The following TAFA1 variants were observed in gnomAD, a reference collection of about 807,000 sequenced individuals.
The protein encoded by TAFA1 is chemokine-like protein TAFA-1.
Under a neutral mutation model 18.5 loss-of-function variants are expected in TAFA1, and 4 were observed. The observed-to-expected ratio is 0.22, with a 90% confidence interval of 0.11 to 0.49. TAFA1 has a LOEUF of 0.49. TAFA1 is among the 20% of genes least tolerant of loss of function. The probability of loss-of-function intolerance (pLI) is 0.98; values close to 1 mark genes in which losing one functional copy is unlikely to be tolerated. For synonymous variants in TAFA1, 56 were observed against 55.2 expected, an observed-to-expected ratio of 1.01 and a Z score of -0.06; for missense variants, 147 against 169.0, an observed-to-expected ratio of 0.87 and a Z score of 0.72.
intron 2 of TAFA1, among the ~76,000 whole-genome samples, chr3:68,416,249 TC>T (rs1414374838): frequency 1.3e-5 from 2 of 152,178 alleles, no homozygotes; most frequent in African/African-American, 4.8e-5. Flanking sequence ...CCTTTCTCCC[TC>T]CTTTTCTTTT....
intron 2 of TAFA1, among the ~76,000 whole-genome samples, chr3:68,044,158 T>C (rs2106685769): frequency 6.6e-6 from 1 of 152,352 alleles, no homozygotes; most frequent in Non-Finnish European, 1.5e-5. Context: ...TCATTCTTCT[T>C]TCCTAATTCA....
intron 2 of TAFA1, among the ~76,000 whole-genome samples, chr3:68,334,654 C>A (rs1220885292): frequency 2.6e-5 from 4 of 152,034 alleles, no homozygotes; most frequent in African/African-American, 4.8e-5. Context: ...TGATCAGGTA[C>A]CACATTTTGA....
At chr3:68,478,767 A>G (rs2072154128) in intron 3 of TAFA1, among the ~76,000 whole-genome samples, 1 of 152,106 alleles carries the variant, frequency 6.6e-6, no homozygotes, top group South Asian at 2.1e-4. Context: ...AAATGAATAA[A>G]TGATTATTTG....
intron 2 of TAFA1, among the ~76,000 whole-genome samples, chr3:68,325,297 G>A (rs1353006588): frequency 1.3e-5 from 2 of 152,144 alleles, no homozygotes; most frequent in Non-Finnish European, 2.9e-5. Flanking sequence ...TTGGGAGCCC[G>A]AGTTAAGAGC....
chr3:68,362,458 A>C (rs1005972523), intron 2 of TAFA1, among the ~76,000 whole-genome samples: 1 of 152,180 alleles, frequency 6.6e-6, no homozygotes, highest in African/African-American at 2.4e-5. Context: ...GGCAAAAACT[A>C]CAGAGAATCA....
intron 2 of TAFA1, among the ~76,000 whole-genome samples, chr3:68,191,824 T>C (rs2066344228): frequency 6.6e-6 from 1 of 151,844 alleles, no homozygotes; most frequent in Non-Finnish European, 1.5e-5. Context: ...TGGGTAATTC[T>C]GGAGGCCTGA....
intron 2 of TAFA1, among the ~76,000 whole-genome samples, chr3:68,101,265 TTTTTTA>T (rs931148509): frequency 7.8e-4 from 117 of 150,932 alleles, no homozygotes; most frequent in Non-Finnish European, 1.1e-3. Flanking sequence ...TGTGATTTCT[TTTTTTA>T]TTTTTATTTT....
At chr3:68,229,681 T>C (rs1403042986) in intron 2 of TAFA1, among the ~76,000 whole-genome samples, 1 of 152,240 alleles carries the variant, frequency 6.6e-6, no homozygotes, top group Admixed American at 6.5e-5. Context: ...GAAATTAGAC[T>C]AATTAAATTG....
At chr3:68,510,414 C>A (rs1036798277) in intron 3 of TAFA1, among the ~76,000 whole-genome samples, 1 of 152,058 alleles carries the variant, frequency 6.6e-6, no homozygotes, top group African/African-American at 2.4e-5. Context: ...CCCAATCATA[C>A]CATCTTGAAC....
At chr3:68,501,264 C>T (rs1284075005) in intron 3 of TAFA1, among the ~76,000 whole-genome samples, 1 of 151,176 alleles carries the variant, frequency 6.6e-6, no homozygotes, top group Non-Finnish European at 1.5e-5. Context: ...CTTTTGCTGA[C>T]TCTATTGAAA....
chr3:68,085,729 A>G (rs1008724172), intron 2 of TAFA1, among the ~76,000 whole-genome samples: 17 of 152,206 alleles, frequency 1.1e-4, no homozygotes, highest in Admixed American at 3.9e-4. Flanking sequence ...TTTAGAAATC[A>G]CTGGAACTAC....
chr3:68,220,525 A>AG (rs1282757286), intron 2 of TAFA1, among the ~76,000 whole-genome samples: 5 of 152,088 alleles, frequency 3.3e-5, no homozygotes, highest in Non-Finnish European at 7.4e-5. Flanking sequence ...AAAAAAAAAA[A>AG]CTACTGATGG....
intron 2 of TAFA1, among the ~76,000 whole-genome samples, chr3:68,043,352 T>A (rs927410738): frequency 2.6e-5 from 4 of 152,234 alleles, no homozygotes; most frequent in African/African-American, 7.2e-5. Context: ...GTCTTTGCAA[T>A]AATTTATTAT....
chr3:68,292,417 A>C (rs972322873), intron 2 of TAFA1, among the ~76,000 whole-genome samples: 9 of 112,928 alleles, frequency 8.0e-5, no homozygotes, highest in East Asian at 2.3e-4. Flanking sequence ...CTGTCAAAAA[A>C]AAAAAACAAA....
At chr3:68,085,104 A>G (rs2064955221) in intron 2 of TAFA1, among the ~76,000 whole-genome samples, 1 of 152,212 alleles carries the variant, frequency 6.6e-6, no homozygotes, top group Non-Finnish European at 1.5e-5. Context: ...GACTCACAAT[A>G]GGATTTCTCA....
chr3:68,394,922 T>A (rs1045228800), intron 2 of TAFA1, among the ~76,000 whole-genome samples: 1 of 152,018 alleles, frequency 6.6e-6, no homozygotes, highest in Admixed American at 6.5e-5. Context: ...CCAAAAGCAA[T>A]TGCAACAAAA....
intron 3 of TAFA1, among the ~76,000 whole-genome samples, chr3:68,420,345 A>G (rs1290302926): frequency 2.0e-5 from 3 of 152,114 alleles, no homozygotes; most frequent in Non-Finnish European, 4.4e-5. Flanking sequence ...CTGCAGCCTC[A>G]AACTGCCAGG....
At chr3:68,507,643 G>C (rs2072781875) in intron 3 of TAFA1, among the ~76,000 whole-genome samples, 2 of 152,054 alleles carry the variant, frequency 1.3e-5, no homozygotes, top group Non-Finnish European at 2.9e-5. Context: ...ACTTGGTCTT[G>C]GGAAGCATCG....
At chr3:68,338,633 A>G (rs751879396) in intron 2 of TAFA1, among the ~76,000 whole-genome samples, 40 of 152,204 alleles carry the variant, frequency 2.6e-4, no homozygotes, top group Non-Finnish European at 5.1e-4. Flanking sequence ...GAGGGGTTTG[A>G]AATTATTGAG....
Sources: gnomAD v4.1 joint callset for allele counts (sites outside exome capture counted in the v4.1 genomes callset) on GRCh38, gnomAD v4.1.1 for gene constraint, MANE v1.5 for transcripts, NCBI Gene and HGNC (gene_info 2026-07-23, HGNC 2026-07-21) for gene names.